Variants in EYS observed in about 807,000 individuals in gnomAD.
EYS encodes EGF-like photoreceptor maintenance factor.
In EYS, 250 loss-of-function variants were observed where a neutral mutation model predicts 282.1. That is an observed-to-expected ratio of 0.89 (90% CI 0.80 to 0.98). The LOEUF (loss-of-function observed/expected upper bound fraction) is 0.98. Among genes scored for constraint, EYS ranks in the 50% least tolerant of loss-of-function variants. The pLI, the probability that EYS is intolerant of heterozygous loss-of-function variation, is 0.00. For synonymous variants in EYS, 1,355 were observed against 1,282.9 expected, an observed-to-expected ratio of 1.06 and a Z score of -1.20; for missense variants, 4,016 against 3,709.0, an observed-to-expected ratio of 1.08 and a Z score of -2.15.
intron 35 of EYS, among the ~76,000 whole-genome samples, chr6:63,878,250 C>G (rs923875408): frequency 1.3e-5 from 2 of 152,148 alleles, no homozygotes; most frequent in Non-Finnish European, 1.5e-5. Context: ...CACTCCAGAC[C>G]CTGTTTTCCT....
At chr6:64,062,733 C>CT (rs1166215525) in intron 33 of EYS, among the ~76,000 whole-genome samples, 1 of 151,530 alleles carries the variant, frequency 6.6e-6, no homozygotes, top group East Asian at 1.9e-4. Flanking sequence ...TATGTTCTCC[C>CT]TTTTTCATCA....
chr6:64,177,265 T>A (rs1450484563), intron 31 of EYS, among the ~76,000 whole-genome samples: 2 of 151,640 alleles, frequency 1.3e-5, no homozygotes, highest in African/African-American at 4.8e-5. Flanking sequence ...TTTCTTTCTG[T>A]GTTTTTTATT....
In EYS at chr6:65,648,348, G is replaced by A. The variant is rs565601313; in HGVS notation, c.-447-8456C>T. On this transcript the variant is annotated intron_variant, in intron 1 of 42. Transcript: ENST00000503581. The stretch of plus-strand genomic sequence containing the variant: ...TGTGTGTGTGTGTGTGTGTGTGTGT[G>A]TGTATACCATAGAATACTACACAGC... 1.6e-4 allele frequency among the ~76,000 whole-genome samples: 24 copies of A among 145,456 alleles called. 1 individual carries two copies. The South Asian group carries it at 4.3e-3, about 26-fold the overall frequency.
chr6:64,678,045 G>C (rs918519445), intron 22 of EYS, among the ~76,000 whole-genome samples: 20 of 151,886 alleles, frequency 1.3e-4, no homozygotes, highest in Admixed American at 9.8e-4. Context: ...CCCCCTTGCT[G>C]TTTTATATTT....
intron 21 of EYS, among the ~76,000 whole-genome samples, chr6:64,815,616 T>A (rs893382295): frequency 1.3e-5 from 2 of 152,120 alleles, no homozygotes; most frequent in Non-Finnish European, 2.9e-5. Context: ...GTTTTGTTCA[T>A]CATTTATATT....
intron 12 of EYS, among the ~76,000 whole-genome samples, chr6:65,256,079 A>G (rs1368820741): frequency 3.3e-5 from 5 of 152,016 alleles, no homozygotes; most frequent in African/African-American, 7.2e-5. Flanking sequence ...GACAATAACC[A>G]AGATTTGGAA....
intron 5 of EYS, among the ~76,000 whole-genome samples, chr6:65,434,967 G>T (rs995878084): frequency 1.3e-5 from 2 of 151,652 alleles, no homozygotes; most frequent in African/African-American, 2.4e-5. Context: ...GGGACAGAAG[G>T]ACTAGTATTC....
chr6:64,449,022 T>C (rs940724273), intron 26 of EYS, among the ~76,000 whole-genome samples: 1 of 151,490 alleles, frequency 6.6e-6, no homozygotes, highest in Non-Finnish European at 1.5e-5. Flanking sequence ...CTTTGATGAG[T>C]TGAGAGAGGA....
intron 21 of EYS, among the ~76,000 whole-genome samples, chr6:64,817,559 G>A (rs1051707210): frequency 6.6e-6 from 1 of 152,114 alleles, no homozygotes; most frequent in African/African-American, 2.4e-5. Context: ...CACTTGGGTA[G>A]TGAGCATAGC....
chr6:65,566,199 G>C (rs1769274447), intron 2 of EYS, among the ~76,000 whole-genome samples: 1 of 151,936 alleles, frequency 6.6e-6, no homozygotes, highest in Non-Finnish European at 1.5e-5. Flanking sequence ...TTACAGTAAG[G>C]GTCAAAATGG....
chr6:65,617,328 A>G (rs1310456008), intron 2 of EYS, among the ~76,000 whole-genome samples: 1 of 152,116 alleles, frequency 6.6e-6, no homozygotes, highest in African/African-American at 2.4e-5. Context: ...TTTACTAGTG[A>G]CAGTCAGAAT....
intron 41 of EYS, among the ~76,000 whole-genome samples, chr6:63,755,569 C>T (rs1269104872): frequency 6.6e-6 from 1 of 152,120 alleles, no homozygotes; most frequent in African/African-American, 2.4e-5. Flanking sequence ...AGTGTGATGC[C>T]TCCAGCTTTG....
At chr6:65,466,967 T>G (rs1259971698) in intron 5 of EYS, among the ~76,000 whole-genome samples, 6 of 152,214 alleles carry the variant, frequency 3.9e-5, no homozygotes, top group Admixed American at 6.5e-5. Flanking sequence ...AGATGCTATA[T>G]GTAGTTTTAC....
At chr6:65,057,409 A>G (rs1292409325) in intron 13 of EYS, among the ~76,000 whole-genome samples, 1 of 152,140 alleles carries the variant, frequency 6.6e-6, no homozygotes, top group Admixed American at 6.6e-5. Flanking sequence ...TAAGAAACTC[A>G]ACTATTTTAG....
chr6:65,552,757 T>C (rs1768644141), intron 2 of EYS, among the ~76,000 whole-genome samples: 1 of 152,136 alleles, frequency 6.6e-6, no homozygotes, highest in Admixed American at 6.5e-5. Flanking sequence ...TTAAATTTAA[T>C]TTACTCTCAA....
chr6:64,763,264 G>T (rs1488948482), intron 22 of EYS, among the ~76,000 whole-genome samples: 1 of 152,102 alleles, frequency 6.6e-6, no homozygotes, highest in Non-Finnish European at 1.5e-5. Flanking sequence ...ATGAAGAAAA[G>T]AAGTTTAATT....
At chr6:64,894,605 G>A (rs573830642) in intron 18 of EYS, among the ~76,000 whole-genome samples, 6 of 152,168 alleles carry the variant, frequency 3.9e-5, no homozygotes, top group Middle Eastern at 3.4e-3. Flanking sequence ...TCAGTCACTC[G>A]AAGGTCAGGT....
chr6:64,359,403 G>T (rs1222120633), intron 29 of EYS, among the ~76,000 whole-genome samples: 1 of 151,564 alleles, frequency 6.6e-6, no homozygotes, highest in Admixed American at 6.6e-5. Flanking sequence ...TGGTTTGCTG[G>T]CCTATGTCTA....
At chr6:65,580,522 T>C (rs1000518391) in intron 2 of EYS, among the ~76,000 whole-genome samples, 8 of 152,206 alleles carry the variant, frequency 5.3e-5, no homozygotes, top group South Asian at 4.1e-4. Flanking sequence ...CCTAATTTTG[T>C]AGAATGCTTA....
Sources: allele counts gnomAD v4.1 joint callset (sites outside exome capture counted in the v4.1 genomes callset), GRCh38; gene constraint gnomAD v4.1.1; transcripts MANE v1.5; gene names NCBI Gene and HGNC (gene_info 2026-07-23, HGNC 2026-07-21).